Variants in DCDC1 observed in about 807,000 individuals in gnomAD.
DCDC1 encodes the protein doublecortin domain-containing protein 1.
In DCDC1, 200 loss-of-function variants were observed where a neutral mutation model predicts 178.3. That is an observed-to-expected ratio of 1.12 (90% CI 1.00 to 1.26). The LOEUF (loss-of-function observed/expected upper bound fraction) is 1.26, where lower values mean the gene tolerates loss of function less well. DCDC1 is among the 50% of genes most tolerant of loss of function. DCDC1 has a pLI of 0.00. For missense variants in DCDC1, 1,983 were observed against 1,749.2 expected (o/e 1.13, Z -2.38); for synonymous variants, 690 against 604.8 (o/e 1.14, Z -2.07).
chr11:30,933,321 T>C (rs1031601993), intron 21 of DCDC1, among the ~76,000 whole-genome samples: 5 of 152,120 alleles, frequency 3.3e-5, no homozygotes, highest in Non-Finnish European at 5.9e-5. Flanking sequence ...GGGATATAAG[T>C]GCTCTATATT....
chr11:31,093,923 T>C (rs961793511), intron 16 of DCDC1, 127 bp downstream of exon 16: 2 of 664,354 alleles, frequency 3.0e-6, no homozygotes, highest in East Asian at 2.5e-5. Context: ...ATGGCATCTA[T>C]AACAGCCAAC....
intron 1 of DCDC1, among the ~76,000 whole-genome samples, chr11:31,364,269 T>C (rs1951848280): frequency 6.6e-6 from 1 of 152,120 alleles, no homozygotes; most frequent in South Asian, 2.1e-4. Flanking sequence ...TATAAATGCA[T>C]ATCCCCACAT....
intron 7 of DCDC1, among the ~76,000 whole-genome samples, chr11:31,284,837 C>G (rs750985102): frequency 3.3e-5 from 5 of 151,882 alleles, no homozygotes; most frequent in Non-Finnish European, 7.4e-5. Flanking sequence ...CAGGGTTTCA[C>G]CATGTTGGCC....
chr11:31,300,005 G>A (rs1056973209), intron 6 of DCDC1, among the ~76,000 whole-genome samples: 6 of 151,912 alleles, frequency 3.9e-5, no homozygotes, highest in African/African-American at 1.2e-4. Context: ...CCACAGGCTC[G>A]CGCCACCATG....
chr11:30,936,755 G>C (rs1015291226), intron 21 of DCDC1, among the ~76,000 whole-genome samples: 1 of 152,178 alleles, frequency 6.6e-6, no homozygotes, highest in African/African-American at 2.4e-5. Context: ...GATGCCTGCA[G>C]CTGGAAGATG....
At position 31,245,140 on chromosome 11, in the gene DCDC1, A is replaced by C. The variant is rs986033232; in HGVS notation, c.1055-3524T>G. On this transcript the variant is annotated intron_variant, in intron 8 of 38. Transcript: ENST00000684477. ...TTACCACCTCTGGCAAAATATCCTA[A>C]ATGATTTAGGTAGAATTAATTGCTC... 7.3e-5 allele frequency among the ~76,000 whole-genome samples: 11 copies of C among 151,440 alleles called. No individual in the cohort carries two copies. The East Asian group carries it at 2.1e-3, about 29-fold the overall frequency.
chr11:31,297,290 A>C (rs1947759752), intron 6 of DCDC1, among the ~76,000 whole-genome samples: 1 of 152,178 alleles, frequency 6.6e-6, no homozygotes, highest in Admixed American at 6.5e-5. Context: ...CAGGGAGCCA[A>C]GCAATTCAAA....
chr11:31,099,462 C>T (rs531413218), intron 15 of DCDC1, among the ~76,000 whole-genome samples: 1 of 152,232 alleles, frequency 6.6e-6, no homozygotes, highest in East Asian at 1.9e-4. Context: ...CCTAACATCC[C>T]CAATAGAGCC....
At chr11:30,992,036 C>T (rs1427408907) in intron 20 of DCDC1, among the ~76,000 whole-genome samples, 1 of 152,144 alleles carries the variant, frequency 6.6e-6, no homozygotes, top group African/African-American at 2.4e-5. Flanking sequence ...AAATGGTACG[C>T]TCCCTGTCTT....
intron 20 of DCDC1, among the ~76,000 whole-genome samples, chr11:31,039,320 T>G (rs1954284442): frequency 6.6e-6 from 1 of 152,122 alleles, no homozygotes; most frequent in Non-Finnish European, 1.5e-5. Flanking sequence ...AAGAATTATT[T>G]AAATGCAATA....
chr11:31,030,082 C>T (rs1372173808), intron 20 of DCDC1, among the ~76,000 whole-genome samples: 3 of 150,154 alleles, frequency 2.0e-5, no homozygotes, highest in African/African-American at 4.9e-5. Context: ...TTGTGGGTAT[C>T]GACTTGAAAA....
At chr11:31,058,688 G>C (rs1369299252) in intron 20 of DCDC1, among the ~76,000 whole-genome samples, 1 of 152,000 alleles carries the variant, frequency 6.6e-6, no homozygotes, top group African/African-American at 2.4e-5. Flanking sequence ...ATGGAACTGA[G>C]GATTCCCATG....
chr11:31,127,321 A>G, intron 11 of DCDC1, 148 bp downstream of exon 11: 2 of 480,096 alleles, frequency 4.2e-6, no homozygotes, highest in Non-Finnish European at 7.3e-6. Flanking sequence ...TTCCTGAATA[A>G]TAATATCACC....
intron 26 of DCDC1, among the ~76,000 whole-genome samples, chr11:30,916,475 TTAAAC>T (rs1945844690): frequency 6.6e-6 from 1 of 152,106 alleles, no homozygotes; most frequent in Non-Finnish European, 1.5e-5. Context: ...ACAAAAAACA[TTAAAC>T]TAAAAAGGAA....
At chr11:31,282,385 A>G (rs1946507688) in intron 7 of DCDC1, among the ~76,000 whole-genome samples, 1 of 151,534 alleles carries the variant, frequency 6.6e-6, no homozygotes. Flanking sequence ...ATGTCTATCA[A>G]AGATAATATA....
At chr11:31,310,015 G>A (rs906698039) in intron 3 of DCDC1, among the ~76,000 whole-genome samples, 13 of 152,054 alleles carry the variant, frequency 8.5e-5, no homozygotes, top group Non-Finnish European at 1.9e-4. Flanking sequence ...TCTGGTAACA[G>A]CACTTGCATT....
chr11:31,115,496 C>T (rs767484637), intron 11 of DCDC1, among the ~76,000 whole-genome samples: 2 of 152,070 alleles, frequency 1.3e-5, no homozygotes, highest in African/African-American at 4.8e-5. Context: ...AAAATGACAC[C>T]GCAGTGTGTT....
chr11:31,311,371 G>C (rs1389998259), intron 3 of DCDC1, among the ~76,000 whole-genome samples: 1 of 152,094 alleles, frequency 6.6e-6, no homozygotes, highest in Non-Finnish European at 1.5e-5. Context: ...ATAATTGGGT[G>C]GGGACTTGCA....
intron 3 of DCDC1, among the ~76,000 whole-genome samples, chr11:31,316,121 G>A (rs1949102377): frequency 1.1e-5 from 1 of 90,888 alleles, no homozygotes; most frequent in Admixed American, 1.2e-4. Context: ...ACATACGTGT[G>A]CATGTGTCTT....
Sources: gnomAD v4.1 joint callset for allele counts (sites outside exome capture counted in the v4.1 genomes callset) on GRCh38, gnomAD v4.1.1 for gene constraint, MANE v1.5 for transcripts, NCBI Gene and HGNC (gene_info 2026-07-23, HGNC 2026-07-21) for gene names.